The following WDFY4 variants were observed in gnomAD, a reference collection of about 807,000 sequenced individuals.
WDFY4 encodes WD repeat- and FYVE domain-containing protein 4.
In WDFY4, 169 loss-of-function variants were observed where a neutral mutation model predicts 351.9. The observed-to-expected ratio is 0.48, with a 90% CI of 0.42 to 0.55. WDFY4 has a LOEUF of 0.55. Among genes scored for constraint, WDFY4 ranks in the 20% least tolerant of loss-of-function variants. WDFY4 has a pLI of 0.00. For synonymous variants in WDFY4, 1,622 were observed against 1,574.6 expected (o/e 1.03, Z -0.71); for missense variants, 3,803 against 3,935.6 (o/e 0.97, Z 0.90).
intron 39 of WDFY4, among the ~76,000 whole-genome samples, chr10:48,849,165 G>A (rs575542140): frequency 3.6e-4 from 55 of 152,170 alleles, no homozygotes; most frequent in Admixed American, 7.2e-4. Context: ...GGATTTTTTG[G>A]TTAATGAATA....
At chr10:48,739,199 A>G (rs2064771698) in intron 11 of WDFY4, among the ~76,000 whole-genome samples, 1 of 152,232 alleles carries the variant, frequency 6.6e-6, no homozygotes, top group Admixed American at 6.5e-5. Context: ...AAATAATAGA[A>G]TGTGAAATAA....
rs566370913 is a variant in WDFY4, at chr10:48,906,128, C to G, written c.7586+4265C>G. On this transcript the variant is annotated intron_variant, in intron 47 of 61. Transcript: ENST00000325239. ...AGAATGAGTCTTGAAAAATGCCTAG[C>G]TGCTTGTTAGTCACTCTAATGAATG... Among the ~76,000 whole-genome samples, 19 of 152,338 alleles carry G rather than the reference C, an allele frequency of 1.2e-4. 1 individual carries two copies. In the South Asian group the frequency reaches 3.9e-3, roughly 32 times the overall value.
In WDFY4 at chr10:48,897,541, G is replaced by A; in HGVS notation, c.7404G>A (p.Met2468Ile). 2 of 1,550,416 alleles carry A rather than the reference G, an allele frequency of 1.3e-6. No individual in the cohort carries two copies. The highest frequency in any genetic ancestry group is 1.7e-6 in the Non-Finnish European group (2 of 1,146,992). Residue 2468 changes from methionine to isoleucine, a missense_variant, in exon 45 of 62, where the codon ATG becomes ATA. This residue lies in a region of WDFY4 where 3,054 missense variants were observed against 3,148.6 expected (regional missense o/e 0.97). Coordinates refer to ENST00000325239, the MANE Select transcript of WDFY4 (RefSeq NM_001394531.1). ...YSCQCHSYAD[M>I]RELRQARFLL... ...GCCAGTGCCACAGCTACGCTGACAT[G>A]CGGGAGCTACGGCAGGCTCGCTTCC... is the stretch of plus-strand genomic sequence containing the variant.
At chr10:48,823,456 C>T (rs11101517) in intron 35 of WDFY4, 296,607 of 1,187,668 alleles carry the variant, frequency 0.25, 40,041 homozygotes, top group East Asian at 0.72. Flanking sequence ...TCCCAGCACC[C>T]TTCTGACTGC....
rs576916804 is a variant in WDFY4, at chr10:48,718,095, A to G, written c.235-1916A>G. Among the ~76,000 whole-genome samples the G allele has an allele frequency of 3.3e-5, 5 of 152,368 alleles. No individual in the cohort carries two copies. The South Asian group carries it at 1.0e-3, about 32-fold the overall frequency. ...TTTCATTTTTGCCAACCCAAAACATATAAAATATTGAGGTTTCAATGTGCA... is the reference window on the plus strand; with the variant it reads ...TTTCATTTTTGCCAACCCAAAACATGTAAAATATTGAGGTTTCAATGTGCA... On this transcript the variant is annotated intron_variant, in intron 2 of 61. Transcript: ENST00000325239.
At chr10:48,844,198 G>A (rs933590402) in intron 39 of WDFY4, among the ~76,000 whole-genome samples, 21 of 152,324 alleles carry the variant, frequency 1.4e-4, no homozygotes, top group African/African-American at 3.8e-4. Context: ...TCTTCTCTTC[G>A]TTGTTGTTGA....
At chr10:48,893,598 A>G (rs186222849) in intron 44 of WDFY4, among the ~76,000 whole-genome samples, 10 of 152,360 alleles carry the variant, frequency 6.6e-5, no homozygotes, top group Admixed American at 5.2e-4. Flanking sequence ...GCTCAGCACT[A>G]TGGTGGACTC....
At chr10:48,795,383 T>G in intron 23 of WDFY4, among the ~76,000 whole-genome samples, 1 of 151,376 alleles carries the variant, frequency 6.6e-6, no homozygotes, top group Admixed American at 6.6e-5. Flanking sequence ...GTTTGACATT[T>G]GACACTGTTT....
chr10:48,958,508 T>C (rs1368325237), intron 52 of WDFY4, among the ~76,000 whole-genome samples: 1 of 152,132 alleles, frequency 6.6e-6, no homozygotes, highest in East Asian at 1.9e-4. Flanking sequence ...GCTGCAGAAA[T>C]GATGGCTCCT....
At chr10:48,872,306 C>T (rs2133279196) in intron 40 of WDFY4, among the ~76,000 whole-genome samples, 1 of 152,316 alleles carries the variant, frequency 6.6e-6, no homozygotes, top group East Asian at 1.9e-4. Context: ...AATCTAGCTC[C>T]CATGCTCAAG....
intron 13 of WDFY4, among the ~76,000 whole-genome samples, chr10:48,773,187 A>C (rs1444872117): frequency 6.6e-6 from 1 of 152,148 alleles, no homozygotes; most frequent in East Asian, 1.9e-4. Flanking sequence ...ACACTTTTAC[A>C]CTGTTGGTGG....
At chr10:48,741,652 G>A (rs2377629) in intron 11 of WDFY4, among the ~76,000 whole-genome samples, 148,679 of 152,160 alleles carry the variant, frequency 0.98, 72,742 homozygotes, top group East Asian at 1. Flanking sequence ...TGTTGCTTAG[G>A]CCATGCATTT....
At chr10:48,744,197 G>A (rs753864662) in intron 12 of WDFY4, among the ~76,000 whole-genome samples, 1 of 152,168 alleles carries the variant, frequency 6.6e-6, no homozygotes, top group African/African-American at 2.4e-5. Context: ...GGGGTGGGAG[G>A]GAAAATGAAA....
At chr10:48,786,891 C>T (rs1382929989) in intron 20 of WDFY4, 21 bp downstream of exon 20, 5 of 1,541,756 alleles carry the variant, frequency 3.2e-6, no homozygotes, top group East Asian at 2.4e-5. Context: ...TTTTGATTTA[C>T]AATGTTCTTG....
intron 55 of WDFY4, chr10:48,966,960 A>G (rs889722698): frequency 2.4e-6 from 1 of 416,998 alleles, no homozygotes. Flanking sequence ...GCACACACAC[A>G]CATCTCTCTT....
At chr10:48,902,069 C>T (rs1306137957) in intron 47 of WDFY4, among the ~76,000 whole-genome samples, 3 of 152,228 alleles carry the variant, frequency 2.0e-5, no homozygotes, top group African/African-American at 7.2e-5. Context: ...CTTGAAGTCT[C>T]ACATGCCCTG....
intron 1 of WDFY4, among the ~76,000 whole-genome samples, chr10:48,706,282 C>T (rs553543366): frequency 6.6e-6 from 1 of 152,282 alleles, no homozygotes; most frequent in South Asian, 2.1e-4. Flanking sequence ...ACATCCTTGC[C>T]TTCACAGAGC....
chr10:48,809,439 C>T (rs1304936362), intron 28 of WDFY4, among the ~76,000 whole-genome samples: 1 of 151,472 alleles, frequency 6.6e-6, no homozygotes, highest in Non-Finnish European at 1.5e-5. Flanking sequence ...ATCACCATCA[C>T]CACCACCACC....
intron 10 of WDFY4, 137 bp from the exon 11 acceptor site, chr10:48,735,743 C>A: frequency 1.2e-6 from 1 of 852,414 alleles, no homozygotes; most frequent in Non-Finnish European, 1.8e-6. Context: ...ACCAAAAAAT[C>A]TACCAGTGAG....
Sources: allele counts gnomAD v4.1 joint callset (sites outside exome capture counted in the v4.1 genomes callset), GRCh38; gene constraint gnomAD v4.1.1; regional missense constraint gnomAD v4.1.1; transcripts MANE v1.5; gene names NCBI Gene and HGNC (gene_info 2026-07-23, HGNC 2026-07-21).